EFCAB13: variants seen among roughly 807,000 people sequenced by gnomAD.
EFCAB13 encodes EF-hand calcium-binding domain-containing protein 13.
In EFCAB13, 91 loss-of-function variants were observed where a neutral mutation model predicts 110.2. The ratio of observed to expected loss-of-function variants is 0.83; its 90% CI spans 0.70 to 0.98. EFCAB13 has a LOEUF of 0.98. EFCAB13 is among the 50% of genes least tolerant of loss of function. The probability of loss-of-function intolerance (pLI) is 0.00; values close to 1 mark genes in which losing one functional copy is unlikely to be tolerated. For synonymous variants in EFCAB13, 323 were observed against 369.9 expected (o/e 0.87, Z 1.45); for missense variants, 968 against 1,119.4 (o/e 0.86, Z 1.93).
At chr17:47,339,510 G>C (rs979847142) in intron 5 of EFCAB13, among the ~76,000 whole-genome samples, 2 of 152,042 alleles carry the variant, frequency 1.3e-5, no homozygotes, top group Admixed American at 1.3e-4. Flanking sequence ...TGCCGCTGCT[G>C]ATCTGACAGG....
chr17:47,401,014 C>A (rs917258670), intron 17 of EFCAB13, among the ~76,000 whole-genome samples: 1 of 152,182 alleles, frequency 6.6e-6, no homozygotes, highest in Admixed American at 6.5e-5. Flanking sequence ...CCTTCTCTAC[C>A]GTTTCTCCCA....
At chr17:47,367,449 C>T (rs73985160) in intron 10 of EFCAB13, among the ~76,000 whole-genome samples, 215 of 152,336 alleles carry the variant, frequency 1.4e-3, no homozygotes, top group African/African-American at 5.0e-3. Context: ...CCCACCCCGC[C>T]GCCATGGCCC....
Position 47,441,225 on chromosome 17 carries a change from C to G in EFCAB13, c.*511C>G, listed in dbSNP as rs764975539. 6.6e-6 allele frequency: 1 copy of G among 152,102 alleles called. No individual in the cohort carries two copies. The highest frequency in any genetic ancestry group is 1.5e-5 in the Non-Finnish European group (1 of 68,040). 9.4% of individuals were successfully genotyped at this position (152,102 alleles called of 1,614,324 possible). On this transcript the variant is annotated 3_prime_UTR_variant, in exon 25 of 25. Coordinates refer to ENST00000331493, the MANE Select transcript of EFCAB13 (RefSeq NM_152347.5). ...TTTGTTTATACTCTCATTTATACTA[C>G]CAACCCTCCCTAGAAAAAATGGATT...
intron 24 of EFCAB13, among the ~76,000 whole-genome samples, chr17:47,432,756 C>T (rs1905142611): frequency 6.6e-6 from 1 of 151,780 alleles, no homozygotes; most frequent in African/African-American, 2.4e-5. Context: ...TACTTTCATT[C>T]TTCCTGTATC....
chr17:47,348,264 T>C lies in EFCAB13; in HGVS notation c.661+313T>C, dbSNP rs548133815. On this transcript the variant is annotated intron_variant, in intron 9 of 24. Coordinates refer to ENST00000331493, the MANE Select transcript of EFCAB13 (RefSeq NM_152347.5). ...GTAATTTAAATAATGTAATAAATAC[T>C]TGACCCAACCACCCAAAATAAAAAG... Among the ~76,000 whole-genome samples, 8 of 151,698 alleles carry C rather than the reference T, an allele frequency of 5.3e-5. No individual in the cohort carries two copies. The East Asian group carries it at 9.6e-4, about 18-fold the overall frequency.
chr17:47,423,382 T>G, intron 23 of EFCAB13: 1 of 158,736 alleles, frequency 6.3e-6, no homozygotes, highest in Non-Finnish European at 1.4e-5. Context: ...TCTGAGGGTT[T>G]GAGATTGTTT....
chr17:47,351,140 A>G (rs11871477), intron 9 of EFCAB13, among the ~76,000 whole-genome samples: 3,443 of 152,254 alleles, frequency 0.023, 107 homozygotes, highest in East Asian at 0.18. Context: ...CCACCTATAA[A>G]TTTGGCTCCT....
intron 17 of EFCAB13, among the ~76,000 whole-genome samples, chr17:47,401,266 G>A (rs951933139): frequency 2.6e-5 from 4 of 152,166 alleles, no homozygotes; most frequent in African/African-American, 7.2e-5. Context: ...CATTTTGCTT[G>A]TTGTGCTTTG....
intron 10 of EFCAB13, 65 bp from the exon 11 acceptor site, chr17:47,370,372 G>A: frequency 9.2e-7 from 1 of 1,092,598 alleles, no homozygotes; most frequent in Non-Finnish European, 1.4e-6. Flanking sequence ...TTTCATATTA[G>A]AATAGGATGG....
At chr17:47,346,560 T>C (rs1227072907) in intron 8 of EFCAB13, among the ~76,000 whole-genome samples, 1 of 151,334 alleles carries the variant, frequency 6.6e-6, no homozygotes, top group African/African-American at 2.4e-5. Context: ...AAAATCCTGG[T>C]TTTAATTCTT....
At chr17:47,329,395 T>A (rs2065306752) in intron 4 of EFCAB13, among the ~76,000 whole-genome samples, 1 of 152,180 alleles carries the variant, frequency 6.6e-6, no homozygotes, top group Admixed American at 6.5e-5. Flanking sequence ...TTTATCCTTG[T>A]TAAAGATCTG....
rs2065842593 is a variant in EFCAB13 at position 47,412,769 on chromosome 17, G to A, written c.2279-4G>A. ...TAATAGCTTGTGTACATTTATCTTT[G>A]TAGAGATTAAAGAAGCTGCTAACAT... On this transcript the variant is annotated splice_polypyrimidine_tract_variant and splice_region_variant and intron_variant, in intron 21 of 24. Coordinates refer to ENST00000331493, the MANE Select transcript of EFCAB13 (RefSeq NM_152347.5). 1 of 1,611,812 alleles carries A rather than the reference G, an allele frequency of 6.2e-7. No homozygotes were observed. Among genetic ancestry groups the A allele is most frequent in the Non-Finnish European group, 8.5e-7 (1 of 1,179,056 alleles).
chr17:47,363,901 G>A (rs1238903960), intron 10 of EFCAB13, among the ~76,000 whole-genome samples: 2 of 152,056 alleles, frequency 1.3e-5, no homozygotes, highest in African/African-American at 4.8e-5. Context: ...AGGCATGAGT[G>A]GAAGGATATG....
chr17:47,365,945 CATT>C (rs1385222744), intron 10 of EFCAB13, among the ~76,000 whole-genome samples: 3 of 152,084 alleles, frequency 2.0e-5, no homozygotes, highest in Admixed American at 1.3e-4. Flanking sequence ...TTAAAGGAAA[CATT>C]AACCCCAGGA....
At chr17:47,331,842 C>T (rs537156300) in intron 4 of EFCAB13, among the ~76,000 whole-genome samples, 22 of 152,130 alleles carry the variant, frequency 1.4e-4, no homozygotes, top group Non-Finnish European at 2.1e-4. Flanking sequence ...CCATTCAGGT[C>T]GGGCTTTTTT....
Position 47,335,260 on chromosome 17 carries a change from G to C in EFCAB13, c.95G>C (p.Gly32Ala). The C allele has an allele frequency of 6.2e-7, 1 of 1,611,074 alleles. No individual in the cohort carries two copies. The highest frequency in any genetic ancestry group is 8.5e-7 in the Non-Finnish European group (1 of 1,179,094). The change falls in exon 5 of 25, where the codon GGA becomes GCA. Residue 32 changes from glycine (G) to alanine (A), a missense_variant. By Grantham distance (60) the Gly-to-Ala change is moderately conservative. Coordinates refer to ENST00000331493, the MANE Select transcript of EFCAB13 (RefSeq NM_152347.5). Reference sequence around the variant, plus strand: ...TCTTTTGCAACTGACTTGTCATCAGGAACTATTAACCACAAGAAATACATC... The same window carrying C: ...TCTTTTGCAACTGACTTGTCATCAGCAACTATTAACCACAAGAAATACATC... ...SNSFATDLSS[G>A]TINHKKYIKF...
chr17:47,340,020 A>G (rs1031586690), intron 5 of EFCAB13: 4 of 152,186 alleles, frequency 2.6e-5, no homozygotes, highest in African/African-American at 9.6e-5. Context: ...ACCTTTTCCT[A>G]TAAAAGATGA....
At chr17:47,375,077 C>A in intron 12 of EFCAB13, 111 bp downstream of exon 12, 1 of 1,179,820 alleles carries the variant, frequency 8.5e-7, no homozygotes. Context: ...TGGGTAACCA[C>A]CACTTCTTTT....
At chr17:47,423,001 A>T (rs1567806410) in intron 23 of EFCAB13, among the ~76,000 whole-genome samples, 1 of 152,240 alleles carries the variant, frequency 6.6e-6, no homozygotes, top group Non-Finnish European at 1.5e-5. Context: ...AGTTGCAACA[A>T]AGGTACCACT....
Sources: allele counts gnomAD v4.1 joint callset (sites outside exome capture counted in the v4.1 genomes callset), GRCh38; gene constraint gnomAD v4.1.1; transcripts MANE v1.5; gene names NCBI Gene and HGNC (gene_info 2026-07-23, HGNC 2026-07-21).